Variants in AQP8 observed in about 807,000 individuals in gnomAD.
AQP8 encodes aquaporin 8.
AQP8 carries 14 observed loss-of-function variants against 26.1 expected under a neutral mutation model. That is an observed-to-expected ratio of 0.54 (90% CI 0.35 to 0.84). The LOEUF is 0.84. Among genes scored for constraint, AQP8 ranks in the 40% least tolerant of loss-of-function variants. The pLI is 0.01. For missense variants in AQP8, 301 were observed against 340.5 expected (o/e 0.88, Z 0.91); for synonymous variants, 131 against 150.7 (o/e 0.87, Z 0.96).
At chr16:25,222,575 CT>C (rs745935075) in intron 3 of AQP8, among the ~76,000 whole-genome samples, 2 of 151,694 alleles carry the variant, frequency 1.3e-5, no homozygotes, top group Admixed American at 6.6e-5. Flanking sequence ...CCCTCTTTTT[CT>C]TTTTTTTCCC....
chr16:25,217,269 G>T lies in AQP8; in HGVS notation c.84G>T (p.Val28=). ...REPSVGGRWR[V]SWYERFVQPC... is the part of the protein sequence containing the mutation. ...CGAGCGTGGGTGGCAGGTGGCGAGT[G>T]TCCTGGTACGAACGGTTTGTGCAGC... Residue 28 remains valine (V), a synonymous_variant, in exon 2 of 6, where the codon GTG becomes GTT. Coordinates refer to ENST00000219660, the MANE Select transcript of AQP8 (RefSeq NM_001169.3). 6.2e-7 allele frequency: 1 copy of T among 1,614,200 alleles called. No individual in the cohort carries two copies. The highest frequency in any genetic ancestry group is 8.5e-7 in the Non-Finnish European group (1 of 1,180,030).
intron 5 of AQP8, among the ~76,000 whole-genome samples, chr16:25,227,443 G>C (rs1012024116): frequency 6.6e-6 from 1 of 152,210 alleles, no homozygotes; most frequent in Admixed American, 6.5e-5. Flanking sequence ...AAACTTCACA[G>C]GTAGCAGTGG....
intron 3 of AQP8, among the ~76,000 whole-genome samples, chr16:25,223,398 T>C (rs1220482213): frequency 6.6e-6 from 1 of 152,242 alleles, no homozygotes; most frequent in Non-Finnish European, 1.5e-5. Context: ...TTGTAAAGTT[T>C]CTAAGAGTAA....
chr16:25,219,282 A>G (rs1962526631), intron 2 of AQP8, among the ~76,000 whole-genome samples: 2 of 151,484 alleles, frequency 1.3e-5, no homozygotes, highest in South Asian at 4.1e-4. Flanking sequence ...TGGAAAGACC[A>G]TCTCTTTGGC....
At chr16:25,225,749 G>A (rs1404947567) in intron 4 of AQP8, among the ~76,000 whole-genome samples, 3 of 149,484 alleles carry the variant, frequency 2.0e-5, no homozygotes, top group Admixed American at 6.6e-5. Context: ...CACAGGGTGG[G>A]GATGAGGTCT....
intron 3 of AQP8, among the ~76,000 whole-genome samples, chr16:25,223,484 G>A (rs1962590720): frequency 6.6e-6 from 1 of 152,208 alleles, no homozygotes; most frequent in East Asian, 1.9e-4. Flanking sequence ...AGGATCACTG[G>A]AGCCTAGGAG....
At position 25,228,644 on chromosome 16, in the gene AQP8, C is replaced by T; in HGVS notation, c.*152C>T. 1.4e-6 allele frequency: 1 copy of T among 721,134 alleles called. No individual in the cohort carries two copies. Among genetic ancestry groups the T allele is most frequent in the Non-Finnish European group, 2.3e-6 (1 of 429,534 alleles). 44.7% of individuals were successfully genotyped at this position (721,134 alleles called of 1,614,324 possible). A position where few individuals can be genotyped will look rare whatever the true frequency, so the allele number is the denominator to read the frequency against. On this transcript the variant is annotated 3_prime_UTR_variant, in exon 6 of 6. Transcript: ENST00000219660. Reference sequence around the variant, plus strand: ...GCTTGGGCCTGCTTTCTCAGATAGACTGACTGCTGAGGAGGCTCTAGGTTC... The same window carrying T: ...GCTTGGGCCTGCTTTCTCAGATAGATTGACTGCTGAGGAGGCTCTAGGTTC...
In AQP8 at chr16:25,224,422, G is replaced by A. The variant is rs201672056; in HGVS notation, c.448G>A (p.Glu150Lys). ...ASGAAFVTVQ[E>K]QGQVAGALVA... ...TGGGGCGGCCTTTGTGACAGTCCAG[G>A]AGCAGGGGCAGGTGGCAGGGGCGTT... is the stretch of plus-strand genomic sequence containing the variant. Residue 150 changes from glutamate to lysine, a missense_variant, in exon 4 of 6, where the codon GAG (glutamate) becomes AAG (lysine). Coordinates refer to ENST00000219660, the MANE Select transcript of AQP8 (RefSeq NM_001169.3). 1,401 of 1,614,164 alleles carry A rather than the reference G, an allele frequency of 8.7e-4. 5 individuals are homozygous for A. The highest frequency in any genetic ancestry group is 1.0e-3 in the Non-Finnish European group (1,198 of 1,180,036).
chr16:25,217,425 T>A lies in AQP8; in HGVS notation c.240T>A (p.Ile80=). The part of the protein sequence containing the change: ...LAHGLALGLV[I]ATLGNISGGH... Reference sequence around the variant, plus strand: ...ACGGGCTGGCTTTGGGGCTCGTGATTGCCACGCTGGGGAATATCAGGTGAG... The same window carrying A: ...ACGGGCTGGCTTTGGGGCTCGTGATAGCCACGCTGGGGAATATCAGGTGAG... Residue 80 remains isoleucine, a synonymous_variant, in exon 2 of 6, where the codon ATT becomes ATA. Coordinates refer to ENST00000219660, the MANE Select transcript of AQP8 (RefSeq NM_001169.3). 1 of 1,614,144 alleles carries A rather than the reference T, an allele frequency of 6.2e-7. No homozygotes were observed.
intron 3 of AQP8, among the ~76,000 whole-genome samples, chr16:25,222,363 A>C (rs1257738179): frequency 6.6e-6 from 1 of 152,138 alleles, no homozygotes; most frequent in African/African-American, 2.4e-5. Context: ...ATAAAAAATA[A>C]ATAAATTAAA....
At position 25,222,676 on chromosome 16, in the gene AQP8, TG is replaced by T. The variant is rs1358220268; in HGVS notation, c.387+1094del. 4.0e-5 allele frequency among the ~76,000 whole-genome samples: 6 copies of T among 149,664 alleles called. No homozygotes were observed. In the East Asian group the frequency reaches 1.0e-3, roughly 25 times the overall value. ...AGATGTGGGCCTTGCTTGGTGTGTG[TG>T]TGGGGGGTGGTGGATGGGGGAGCTC... On this transcript the variant is annotated intron_variant, in intron 3 of 5. Coordinates refer to ENST00000219660, the MANE Select transcript of AQP8 (RefSeq NM_001169.3).
intron 2 of AQP8, 78 bp downstream of exon 2, chr16:25,217,523 C>T: frequency 6.4e-7 from 1 of 1,556,842 alleles, no homozygotes; most frequent in Non-Finnish European, 8.7e-7. Flanking sequence ...TGTCAAGGAC[C>T]CCTGGGCGCA....
chr16:25,223,228 G>A (rs555891907), intron 3 of AQP8, among the ~76,000 whole-genome samples: 11 of 152,374 alleles, frequency 7.2e-5, no homozygotes, highest in African/African-American at 2.6e-4. Flanking sequence ...CCAGAGTCCA[G>A]AAGCTTGTGC....
At chr16:25,218,122 A>C (rs1235529519) in intron 2 of AQP8, among the ~76,000 whole-genome samples, 1 of 152,202 alleles carries the variant, frequency 6.6e-6, no homozygotes, top group East Asian at 1.9e-4. Context: ...TCCAGCGCTC[A>C]AATCCAAGTG....
In AQP8 at chr16:25,221,540, T is replaced by A. The variant is rs762253546; in HGVS notation, c.344T>A (p.Val115Asp). Residue 115 changes from valine (V) to aspartate (D), a missense_variant, in exon 3 of 6, where the codon GTC becomes GAC. Transcript: ENST00000219660. ...CTGGTGATGCTCCTCCCGTACTGGGTCTCACAGCTGCTCGGGGGGATGCTC... is the reference window on the plus strand; with the variant it reads ...CTGGTGATGCTCCTCCCGTACTGGGACTCACAGCTGCTCGGGGGGATGCTC... ...LNLVMLLPYW[V>D]SQLLGGMLGA... 1 of 1,614,026 alleles carries A rather than the reference T, an allele frequency of 6.2e-7. No individual in the cohort carries two copies. Among genetic ancestry groups the A allele is most frequent in the Non-Finnish European group, 8.5e-7 (1 of 1,179,998 alleles).
rs1282507066 is a variant in AQP8, at chr16:25,217,320, T to C, written c.135T>C (p.Ser45=). The C allele has an allele frequency of 6.2e-7, 1 of 1,614,088 alleles. No homozygotes were observed. The highest frequency in any genetic ancestry group is 1.3e-5 in the African/African-American group (1 of 74,938). ...CATGTCTGGTCGAACTGCTGGGCTC[T>C]GCTCTCTTCATCTTCATCGGGTGCC... ...VQPCLVELLG[S]ALFIFIGCLS... Residue 45 remains serine, a synonymous_variant, in exon 2 of 6, where the codon TCT becomes TCC. Coordinates refer to ENST00000219660, the MANE Select transcript of AQP8 (RefSeq NM_001169.3).
In AQP8 at chr16:25,227,013, G is replaced by A. The variant is rs144571329; in HGVS notation, c.603-55G>A. ...GGCCTAGTTGGGGACATGAGTGTGA[G>A]GTGAGGTGGGGTTTGGCTGGGATCC... On this transcript the variant is annotated intron_variant, in intron 4 of 5. Coordinates refer to ENST00000219660, the MANE Select transcript of AQP8 (RefSeq NM_001169.3). 4.6e-4 allele frequency: 737 copies of A among 1,611,464 alleles called. 4 individuals carry two copies. In the African/African-American group the frequency reaches 8.8e-3, roughly 19 times the overall value.
At chr16:25,226,431 A>AT (rs917776769) in intron 4 of AQP8, among the ~76,000 whole-genome samples, 2 of 151,936 alleles carry the variant, frequency 1.3e-5, no homozygotes, top group African/African-American at 4.8e-5. Context: ...CTAACTTTGT[A>AT]TTTTTAATAC....
intron 4 of AQP8, among the ~76,000 whole-genome samples, chr16:25,224,891 C>T (rs1199888734): frequency 6.6e-6 from 1 of 152,236 alleles, no homozygotes; most frequent in Non-Finnish European, 1.5e-5. Flanking sequence ...TACAACATTT[C>T]TGTGAACTGT....
Sources: gnomAD v4.1 joint callset for allele counts (sites outside exome capture counted in the v4.1 genomes callset) on GRCh38, gnomAD v4.1.1 for gene constraint, MANE v1.5 for transcripts, NCBI Gene and HGNC (gene_info 2026-07-23, HGNC 2026-07-21) for gene names.